MYO6: variants seen among roughly 807,000 people sequenced by gnomAD.
MYO6 encodes myosin VI.
MYO6 carries 74 observed loss-of-function variants against 178.7 expected under a neutral mutation model. That is an observed-to-expected ratio of 0.41 (90% confidence interval 0.34 to 0.50). The LOEUF is 0.50. MYO6 is among the 20% of genes least tolerant of loss of function. MYO6 has a pLI of 0.09. For synonymous variants in MYO6, 477 were observed against 504.6 expected (o/e 0.95, Z 0.73); for missense variants, 1,330 against 1,547.4 (o/e 0.86, Z 2.36).
chr6:75,896,146 C>T (rs1779285086), intron 29 of MYO6, among the ~76,000 whole-genome samples: 1 of 152,056 alleles, frequency 6.6e-6, no homozygotes, highest in African/African-American at 2.4e-5. Flanking sequence ...ATTTTAACAG[C>T]TTTAAGGACT....
intron 1 of MYO6, among the ~76,000 whole-genome samples, chr6:75,766,752 A>G (rs769370666): frequency 2.0e-5 from 3 of 152,190 alleles, no homozygotes; most frequent in Admixed American, 6.5e-5. Flanking sequence ...GTGTTATTGT[A>G]TGCTTTTTAG....
At chr6:75,759,138 G>A (rs1777733987) in intron 1 of MYO6, among the ~76,000 whole-genome samples, 1 of 152,058 alleles carries the variant, frequency 6.6e-6, no homozygotes, top group African/African-American at 2.4e-5. Context: ...CCAAAGTGCT[G>A]GGATTACAGG....
Position 75,890,105 on chromosome 6 carries a change from G to A in MYO6, c.2707G>A (p.Val903Ile). The A allele has an allele frequency of 6.2e-7, 1 of 1,613,648 alleles. No homozygotes were observed. Among genetic ancestry groups the A allele is most frequent in the East Asian group, 2.2e-5 (1 of 44,850 alleles). ...AATCCAGAAAGAATATGATGCACTG[G>A]TTAAAAGCTCAGAGGAACTCCTCAG... ...EQIQKEYDAL[V>I]KSSEELLSAL... The change falls in exon 26 of 35, where the codon GTT (valine) becomes ATT (isoleucine). Residue 903 changes from valine (V) to isoleucine (I), a missense_variant. Physicochemically the swap from Val to Ile is conservative, Grantham distance 29. Around this residue, in one of 3 missense-constraint regions of MYO6, gnomAD observed 601 missense variants for 626.1 expected, o/e 0.96. Coordinates refer to ENST00000369977, the MANE Select transcript of MYO6 (RefSeq NM_004999.4).
chr6:75,773,185 G>A (rs1354287818), intron 1 of MYO6, among the ~76,000 whole-genome samples: 3 of 152,180 alleles, frequency 2.0e-5, no homozygotes, highest in East Asian at 1.9e-4. Flanking sequence ...CTGTTTACAT[G>A]TGAGGATATT....
At chr6:75,882,672 C>T (rs1383531264) in intron 23 of MYO6, among the ~76,000 whole-genome samples, 2 of 151,760 alleles carry the variant, frequency 1.3e-5, no homozygotes, top group Non-Finnish European at 2.9e-5. Context: ...CGTATAAAAA[C>T]ATGACAGAAC....
chr6:75,881,413 T>G (rs1221484673), intron 22 of MYO6, among the ~76,000 whole-genome samples: 3 of 142,344 alleles, frequency 2.1e-5, no homozygotes, highest in African/African-American at 7.6e-5. Flanking sequence ...CATCTGTAAT[T>G]TAAAAGTCAT....
intron 1 of MYO6, among the ~76,000 whole-genome samples, chr6:75,806,335 C>G (rs993781889): frequency 6.6e-6 from 1 of 150,816 alleles, no homozygotes; most frequent in Non-Finnish European, 1.5e-5. Flanking sequence ...TTGCAGTGAG[C>G]TGAGATCATG....
intron 11 of MYO6, among the ~76,000 whole-genome samples, chr6:75,851,418 T>C (rs766276556): frequency 1.4e-4 from 22 of 152,204 alleles, no homozygotes; most frequent in Non-Finnish European, 3.1e-4. Context: ...CCTATGACTC[T>C]TCCTATAGAT....
chr6:75,888,161 G>A (rs1245006977), intron 25 of MYO6, among the ~76,000 whole-genome samples: 2 of 151,622 alleles, frequency 1.3e-5, no homozygotes, highest in African/African-American at 4.9e-5. Flanking sequence ...GTGATCGCAC[G>A]CGCCTGTAGT....
At chr6:75,788,393 G>A (rs1180020261) in intron 1 of MYO6, among the ~76,000 whole-genome samples, 1 of 152,106 alleles carries the variant, frequency 6.6e-6, no homozygotes. Flanking sequence ...CCAGAACCAC[G>A]TTCTAGCATC....
At chr6:75,904,634 T>G (rs1327776016) in intron 30 of MYO6, among the ~76,000 whole-genome samples, 1 of 152,156 alleles carries the variant, frequency 6.6e-6, no homozygotes, top group Non-Finnish European at 1.5e-5. Flanking sequence ...TTCTTCTAAA[T>G]TTTTTTCAAA....
chr6:75,807,462 T>A (rs969427908), intron 1 of MYO6, among the ~76,000 whole-genome samples: 1 of 152,080 alleles, frequency 6.6e-6, no homozygotes, highest in African/African-American at 2.4e-5. Flanking sequence ...GTGGAGGGAT[T>A]TTTTTTTCCT....
intron 29 of MYO6, 34 bp from the exon 30 acceptor site, chr6:75,898,339 A>G (rs1016198724): frequency 6.8e-7 from 1 of 1,480,758 alleles, no homozygotes; most frequent in East Asian, 2.3e-5. Context: ...TATGACTTTT[A>G]TGTAACCATA....
chr6:75,771,490 G>A (rs1470199447), intron 1 of MYO6, among the ~76,000 whole-genome samples: 2 of 152,096 alleles, frequency 1.3e-5, no homozygotes, highest in Non-Finnish European at 1.5e-5. Context: ...TTAGATATTA[G>A]ATGCTAAATG....
chr6:75,803,670 T>G (rs2150124529), intron 1 of MYO6, among the ~76,000 whole-genome samples: 1 of 152,344 alleles, frequency 6.6e-6, no homozygotes, highest in East Asian at 1.9e-4. Context: ...TAGATATTGT[T>G]AATGTTCAGA....
intron 30 of MYO6, among the ~76,000 whole-genome samples, chr6:75,901,812 A>G (rs1209199647): frequency 1.3e-5 from 2 of 152,200 alleles, no homozygotes; most frequent in Non-Finnish European, 2.9e-5. Flanking sequence ...CGGTTTTCAC[A>G]GGGAATGCTT....
In MYO6 at chr6:75,914,833, T is replaced by C. The variant is rs370061746; in HGVS notation, c.3679T>C (p.Cys1227Arg). The stretch of plus-strand genomic sequence containing the variant: ...TACAGGTAAGGACGACATGGAGATG[T>C]GTGAGCTGAATCTTGAGGAGACTGG... ...LVAGKDDMEMCELNLEETGLT... is the reference protein window; with the variant it reads ...LVAGKDDMEMRELNLEETGLT... Residue 1227 changes from cysteine (C) to arginine (R), a missense_variant, in exon 35 of 35, where the codon TGT becomes CGT. This residue lies in a region of MYO6 where 601 missense variants were observed against 626.1 expected (regional missense o/e 0.96). Transcript: ENST00000369977. The C allele has an allele frequency of 6.2e-6, 10 of 1,614,022 alleles. No individual in the cohort carries two copies. The African/African-American group carries it at 6.7e-5, about 11-fold the overall frequency.
intron 5 of MYO6, among the ~76,000 whole-genome samples, chr6:75,832,417 AT>A (rs941690176): frequency 6.6e-6 from 1 of 151,534 alleles, no homozygotes; most frequent in Non-Finnish European, 1.5e-5. Context: ...GCCATTATGT[AT>A]TTTTTTTTCC....
chr6:75,877,795 G>A (rs1475414965), intron 20 of MYO6, among the ~76,000 whole-genome samples: 1 of 151,928 alleles, frequency 6.6e-6, no homozygotes, highest in Non-Finnish European at 1.5e-5. Context: ...AAAAATTTAA[G>A]CTTCAAAACA....
Sources: gnomAD v4.1 joint callset for allele counts (sites outside exome capture counted in the v4.1 genomes callset) on GRCh38, gnomAD v4.1.1 for gene constraint, gnomAD v4.1.1 regional missense constraint, MANE v1.5 for transcripts, NCBI Gene and HGNC (gene_info 2026-07-23, HGNC 2026-07-21) for gene names.